RP1: variants seen among roughly 807,000 people sequenced by gnomAD.
RP1 encodes oxygen-regulated protein 1.
Under a neutral mutation model 14.8 loss-of-function variants are expected in RP1, and 16 were observed. The ratio of observed to expected loss-of-function variants is 1.08; its 90% CI spans 0.73 to 1.65. The LOEUF is 1.65. RP1 is among the 40% of genes most tolerant of loss of function. The probability of loss-of-function intolerance (pLI) is 0.00; values close to 1 mark genes in which losing one functional copy is unlikely to be tolerated. For missense variants in RP1, 2,631 were observed against 2,535.0 expected (o/e 1.04, Z -0.81); for synonymous variants, 876 against 883.6 (o/e 0.99, Z 0.15).
At chr8:54,588,474 A>G (rs1365713619) in intron 1 of RP1, among the ~76,000 whole-genome samples, 1 of 152,182 alleles carries the variant, frequency 6.6e-6, no homozygotes, top group African/African-American at 2.4e-5. Flanking sequence ...CAGCTGCAAT[A>G]TTAGGATCTC....
At chr8:54,710,398 A>G (rs1217513907) in intron 15 of RP1, among the ~76,000 whole-genome samples, 2 of 152,166 alleles carry the variant, frequency 1.3e-5, no homozygotes, top group African/African-American at 4.8e-5. Flanking sequence ...AAGGTCCCAG[A>G]AGGGGTGTGT....
chr8:54,629,257 C>T lies in RP1; in HGVS notation c.5375C>T (p.Ala1792Val), dbSNP rs780301238. 3.1e-6 allele frequency: 5 copies of T among 1,613,680 alleles called. No homozygotes were observed. In the Admixed American group the frequency reaches 8.3e-5, roughly 27 times the overall value. Residue 1792 changes from alanine (A) to valine (V), a missense_variant, in exon 4 of 4, where the codon GCC becomes GTC. Physicochemically the swap from Ala to Val is moderately conservative, Grantham distance 64 (BLOSUM62 0). Coordinates refer to ENST00000220676, the MANE Select transcript of RP1 (RefSeq NM_006269.2). ...EVPYSHFGNL[A>V]PGPTMDELSS... is the part of the protein sequence containing the mutation. ...CCATATTCACATTTTGGTAATTTGG[C>T]CCCAGGCCCAACGATGGATGAACTC...
rs1018440771 is a variant in RP1, at chr8:54,791,445, T to C, written c.3615+7735T>C. ...AAATATATATAGTCAAAGGCAGAAT[T>C]CTCTAAATTTTTATTATGGTGATGC... On this transcript the variant is annotated intron_variant, in intron 24 of 28. Coordinates refer to the RP1 transcript ENST00000637698. 2.6e-5 allele frequency among the ~76,000 whole-genome samples: 4 copies of C among 152,150 alleles called. No homozygotes were observed. The East Asian group carries it at 5.8e-4, about 22-fold the overall frequency.
chr8:54,856,640 T>C (rs553011936), intron 26 of RP1, among the ~76,000 whole-genome samples: 1 of 152,120 alleles, frequency 6.6e-6, no homozygotes, highest in African/African-American at 2.4e-5. Flanking sequence ...AATGAGAAAG[T>C]GAGTAGTACT....
At position 54,713,503 on chromosome 8, in the gene RP1, T is replaced by C. The variant is rs529918776; in HGVS notation, c.2212-6626T>C. 5.3e-5 allele frequency among the ~76,000 whole-genome samples: 8 copies of C among 152,314 alleles called. No individual in the cohort carries two copies. The South Asian group carries it at 1.7e-3, about 32-fold the overall frequency. On this transcript the variant is annotated intron_variant, in intron 15 of 22. Coordinates refer to the RP1 transcript ENST00000636932. ...ACATACCCCACACTGGCAGGATACT[T>C]GTCTATGGGCAAGAGTTTAGTTTGT...
At chr8:54,842,691 A>T (rs1236967381) in intron 25 of RP1, among the ~76,000 whole-genome samples, 2 of 152,222 alleles carry the variant, frequency 1.3e-5, no homozygotes, top group Non-Finnish European at 2.9e-5. Context: ...AGATTATGTC[A>T]TTCCTTTGCT....
At chr8:54,796,861 A>G (rs1304070090) in intron 24 of RP1, among the ~76,000 whole-genome samples, 1 of 152,194 alleles carries the variant, frequency 6.6e-6, no homozygotes, top group Non-Finnish European at 1.5e-5. Flanking sequence ...GAAATGAGGA[A>G]CGAAAATGGA....
At chr8:54,589,360 AT>A (rs1185500019) in intron 1 of RP1, among the ~76,000 whole-genome samples, 14 of 151,890 alleles carry the variant, frequency 9.2e-5, no homozygotes, top group Admixed American at 8.5e-4. Context: ...GGATTGATAC[AT>A]TTTTTTTCTT....
chr8:54,713,245 T>A (rs942389493), intron 15 of RP1, among the ~76,000 whole-genome samples: 3 of 152,340 alleles, frequency 2.0e-5, no homozygotes, highest in Admixed American at 6.5e-5. Context: ...GAAATTTTTA[T>A]CTTGTATAAG....
chr8:54,744,917 G>A, intron 19 of RP1, among the ~76,000 whole-genome samples: 1 of 152,142 alleles, frequency 6.6e-6, no homozygotes, highest in African/African-American at 2.4e-5. Flanking sequence ...TAAATACATA[G>A]ATTTCAGTGT....
intron 25 of RP1, among the ~76,000 whole-genome samples, chr8:54,848,978 A>G (rs1811995263): frequency 6.6e-6 from 1 of 152,156 alleles, no homozygotes; most frequent in Non-Finnish European, 1.5e-5. Flanking sequence ...TGAACGCCTG[A>G]CTTCAAGTGA....
chr8:54,706,096 A>G (rs1019789964), intron 14 of RP1, among the ~76,000 whole-genome samples: 1 of 151,952 alleles, frequency 6.6e-6, no homozygotes, highest in Non-Finnish European at 1.5e-5. Context: ...TAATTCAGTT[A>G]CTCTTATAGC....
chr8:54,822,745 C>T (rs1049928956), intron 24 of RP1, among the ~76,000 whole-genome samples: 5 of 152,104 alleles, frequency 3.3e-5, no homozygotes, highest in African/African-American at 1.2e-4. Context: ...TGCCTCAGCC[C>T]TGCAGGCATC....
intron 23 of RP1, among the ~76,000 whole-genome samples, chr8:54,777,027 C>T (rs2129377995): frequency 6.6e-6 from 1 of 152,294 alleles, no homozygotes; most frequent in East Asian, 1.9e-4. Flanking sequence ...CTTGACTGCA[C>T]CACTTACTCA....
At chr8:54,577,981 G>A (rs1804697655) in intron 1 of RP1, among the ~76,000 whole-genome samples, 1 of 151,740 alleles carries the variant, frequency 6.6e-6, no homozygotes, top group African/African-American at 2.4e-5. Context: ...AAGTTTTAGG[G>A]TACATGTGCA....
At chr8:54,660,057 A>G (rs1162913356) in intron 6 of RP1, among the ~76,000 whole-genome samples, 2 of 151,962 alleles carry the variant, frequency 1.3e-5, no homozygotes. Flanking sequence ...TTGAGTGTTG[A>G]TTTTGTTGTT....
chr8:54,637,986 C>T (rs569412165), intron 3 of RP1, among the ~76,000 whole-genome samples: 7 of 152,230 alleles, frequency 4.6e-5, no homozygotes, highest in African/African-American at 1.2e-4. Flanking sequence ...CCTCCTCATC[C>T]GACGTGAACT....
rs185507365 is a variant in RP1 at position 54,677,426 on chromosome 8, G to T, written c.1403-1035G>T. ...AGTAAGCTGAAGCGTCTTATATGCT[G>T]CGTTAAAAAGTTTTATCTGGCTGAG... On this transcript the variant is annotated intron_variant, in intron 8 of 22. Transcript: ENST00000636932. Among the ~76,000 whole-genome samples the T allele has an allele frequency of 3.0e-3, 463 of 152,216 alleles. 2 individuals are homozygous for T. Among genetic ancestry groups the T allele is most frequent in the Non-Finnish European group, 5.3e-3 (363 of 68,014 alleles).
At chr8:54,657,593 C>T (rs373313211) in intron 6 of RP1, among the ~76,000 whole-genome samples, 13 of 152,010 alleles carry the variant, frequency 8.6e-5, no homozygotes, top group African/African-American at 2.4e-4. Context: ...GATATCATTA[C>T]GAATAAGTTA....
Sources: gnomAD v4.1 joint callset for allele counts (sites outside exome capture counted in the v4.1 genomes callset) on GRCh38, gnomAD v4.1.1 for gene constraint, MANE v1.5 for transcripts, NCBI Gene and HGNC (gene_info 2026-07-23, HGNC 2026-07-21) for gene names.